TCIRG1: variants seen among roughly 807,000 people sequenced by gnomAD.
TCIRG1 encodes V-type proton ATPase 116 kDa subunit a 3.
TCIRG1 carries 86 observed loss-of-function variants against 95.5 expected under a neutral mutation model. That is an observed-to-expected ratio of 0.90 (90% CI 0.76 to 1.08). The LOEUF (loss-of-function observed/expected upper bound fraction) is 1.08. Among genes scored for constraint, TCIRG1 ranks in the 50% least tolerant of loss-of-function variants. The pLI is 0.00. For missense variants in TCIRG1, 1,069 were observed against 1,140.2 expected (o/e 0.94, Z 0.90); for synonymous variants, 499 against 501.3 (o/e 1.00, Z 0.06).
At position 68,050,256 on chromosome 11, in the gene TCIRG1, T is replaced by A. The variant is rs1395195941; in HGVS notation, c.2236+2T>A. 6.2e-7 allele frequency: 1 copy of A among 1,612,208 alleles called. No homozygotes were observed. The highest frequency in any genetic ancestry group is 1.7e-5 in the Admixed American group (1 of 60,014). Reference sequence around the variant, plus strand: ...GGGCCCTGAGCCTGGCCCACGCCCGTGAGTGACCTGGCCACCGACGGCTGG... The same window carrying A: ...GGGCCCTGAGCCTGGCCCACGCCCGAGAGTGACCTGGCCACCGACGGCTGG... On this transcript the variant is annotated splice_donor_variant, in intron 18 of 19. Coordinates refer to ENST00000265686, the MANE Select transcript of TCIRG1 (RefSeq NM_006019.4). LOFTEE classifies it high-confidence loss of function.
At chr11:68,050,310 T>G in intron 18 of TCIRG1, 56 bp downstream of exon 18, 1 of 1,599,676 alleles carries the variant, frequency 6.3e-7, no homozygotes. Flanking sequence ...CACATACCGC[T>G]GCTGGCTGGG....
intron 9 of TCIRG1, chr11:68,044,744 T>A: frequency 1.6e-6 from 1 of 643,398 alleles, no homozygotes; most frequent in Non-Finnish European, 2.7e-6. Flanking sequence ...GGAGGCAGCA[T>A]GCTTGCCTTT....
chr11:68,047,251 TGCCCCCCCCC>T (rs1855537710), intron 10 of TCIRG1, among the ~76,000 whole-genome samples, 172 bp from the exon 11 acceptor site: 2 of 45,408 alleles, frequency 4.4e-5, no homozygotes, highest in Non-Finnish European at 7.7e-5. Flanking sequence ...CCTCGGGTGA[TGCCCCCCCCC>T]CCCCCCGTCT....
chr11:68,048,736 G>T, intron 13 of TCIRG1, 143 bp from the exon 14 acceptor site: 1 of 766,616 alleles, frequency 1.3e-6, no homozygotes, highest in Non-Finnish European at 2.3e-6. Context: ...GCGCTCTGTT[G>T]CCCCTCGGTG....
chr11:68,044,869 T>C, intron 9 of TCIRG1, 89 bp from the exon 10 acceptor site: 4 of 1,556,994 alleles, frequency 2.6e-6, no homozygotes, highest in African/African-American at 1.3e-5. Flanking sequence ...CCCACAGGGC[T>C]CTACATCTCC....
In TCIRG1 at chr11:68,049,016, C is replaced by CG. The variant is rs534065091; in HGVS notation, c.1673+24dup. 5.8e-5 allele frequency: 94 copies of CG among 1,612,886 alleles called. No homozygotes were observed. The highest frequency in any genetic ancestry group is 3.0e-4 in the Admixed American group (18 of 60,016). The stretch of plus-strand genomic sequence containing the variant: ...ACCACGTGTGAGGGCCAAGGCTGCC[C>CG]GGGGGACGGGAGGCTGGCAGGCCAG... On this transcript the variant is annotated intron_variant, in intron 14 of 19. Coordinates refer to ENST00000265686, the MANE Select transcript of TCIRG1 (RefSeq NM_006019.4).
chr11:68,039,057 C>T lies in TCIRG1; in HGVS notation c.-67C>T, dbSNP rs1017355545. On this transcript the variant is annotated 5_prime_UTR_variant, in exon 1 of 20. Coordinates refer to ENST00000265686, the MANE Select transcript of TCIRG1 (RefSeq NM_006019.4). ...GGCTGGCGGGAGTGCAGTTCTGAGTCCCGCCCGGCGTGCGCGGAGCGGGGC... is the reference window on the plus strand; with the variant it reads ...GGCTGGCGGGAGTGCAGTTCTGAGTTCCGCCCGGCGTGCGCGGAGCGGGGC... 2.0e-5 allele frequency: 3 copies of T among 152,308 alleles called. No homozygotes were observed. The highest frequency in any genetic ancestry group is 4.8e-5 in the African/African-American group (2 of 41,456). The allele number at this position is 152,308 out of a possible 1,614,324, so 9.4% of individuals were successfully genotyped here.
At chr11:68,048,019 G>A (rs1231889732) in intron 13 of TCIRG1, 47 bp downstream of exon 13, 1 of 1,547,808 alleles carries the variant, frequency 6.5e-7, no homozygotes, top group Admixed American at 1.7e-5. Flanking sequence ...GCAGCTGGGA[G>A]TGGGGGCTGG....
chr11:68,049,417 A>T (rs1855678196), intron 15 of TCIRG1, 123 bp downstream of exon 15: 2 of 1,130,218 alleles, frequency 1.8e-6, no homozygotes, highest in African/African-American at 3.1e-5. Context: ...GGCCGTGCAG[A>T]CAGGGCCGTC....
At position 68,043,342 on chromosome 11, in the gene TCIRG1, GCAGCCCTGCC is replaced by G. The variant is rs1332662360; in HGVS notation, c.504-22_504-13del. 1 of 1,536,718 alleles carries G rather than the reference GCAGCCCTGCC, an allele frequency of 6.5e-7. No individual in the cohort carries two copies. The highest frequency in any genetic ancestry group is 2.0e-5 in the Admixed American group (1 of 50,906). ...GGGGGAGGCAGGGCAGGAGGTTGGAGCAGCCCTGCCCAGCCCCGTGGCCGCCAGCTTTGTG... is the reference window on the plus strand; with the variant it reads ...GGGGGAGGCAGGGCAGGAGGTTGGAGCAGCCCCGTGGCCGCCAGCTTTGTG... On this transcript the variant is annotated intron_variant, in intron 5 of 19. Transcript: ENST00000265686.
chr11:68,039,733 T>A (rs1010713905), intron 1 of TCIRG1: 10 of 152,382 alleles, frequency 6.6e-5, no homozygotes, highest in East Asian at 1.9e-4. Flanking sequence ...CAGTGGAGCC[T>A]CACATGCCAG....
chr11:68,043,810 C>A lies in TCIRG1; in HGVS notation c.714-4C>A. 6.4e-7 allele frequency: 1 copy of A among 1,560,362 alleles called. No homozygotes were observed. Among genetic ancestry groups the A allele is most frequent in the East Asian group, 2.4e-5 (1 of 41,882 alleles). ...GCCCCTCACGCAGCGCATCCTCCCT[C>A]CAGCTTCCACTGCCACGTCTTCCCG... is the stretch of plus-strand genomic sequence containing the variant. On this transcript the variant is annotated splice_region_variant and splice_polypyrimidine_tract_variant and intron_variant, in intron 7 of 19. Coordinates refer to ENST00000265686, the MANE Select transcript of TCIRG1 (RefSeq NM_006019.4).
At position 68,050,123 on chromosome 11, in the gene TCIRG1, C is replaced by T. The variant is rs763600699; in HGVS notation, c.2119-14C>T. 3.1e-6 allele frequency: 5 copies of T among 1,612,420 alleles called. No homozygotes were observed. In the East Asian group the frequency reaches 8.9e-5, roughly 29 times the overall value. On this transcript the variant is annotated splice_polypyrimidine_tract_variant and intron_variant, in intron 17 of 19. Transcript: ENST00000265686. ...GCTGAGGCCCTGCCGGCCCTCACTGCACCCGCCCCGCAGCTCGTCCCCTCC... is the reference window on the plus strand; with the variant it reads ...GCTGAGGCCCTGCCGGCCCTCACTGTACCCGCCCCGCAGCTCGTCCCCTCC...
rs776474191 is a variant in TCIRG1 at position 68,043,524 on chromosome 11, G to T, written c.630+27G>T. ...TGAGCAGCTGGCGCTGGGCTGGGGGGTCCTGGGCAGAGCGGGACCCCAGAG... is the reference window on the plus strand; with the variant it reads ...TGAGCAGCTGGCGCTGGGCTGGGGGTTCCTGGGCAGAGCGGGACCCCAGAG... On this transcript the variant is annotated intron_variant, in intron 6 of 19. Coordinates refer to ENST00000265686, the MANE Select transcript of TCIRG1 (RefSeq NM_006019.4). The T allele has an allele frequency of 1.5e-5, 23 of 1,584,872 alleles. No homozygotes were observed. In the East Asian group the frequency reaches 4.4e-4, roughly 30 times the overall value.
intron 9 of TCIRG1, 72 bp from the exon 10 acceptor site, chr11:68,044,886 G>A (rs1855395241): frequency 6.3e-7 from 1 of 1,590,238 alleles, no homozygotes; most frequent in Admixed American, 1.7e-5. Flanking sequence ...CTCCAGCTGG[G>A]CCTGGCTGGA....
chr11:68,040,502 G>T (rs1457588872), intron 1 of TCIRG1, among the ~76,000 whole-genome samples: 1 of 152,182 alleles, frequency 6.6e-6, no homozygotes, highest in Admixed American at 6.5e-5. Context: ...CCCTGACCAG[G>T]CCTGTCCCCT....
In TCIRG1 at chr11:68,043,382, G is replaced by C; in HGVS notation, c.515G>C (p.Gly172Ala). ...CCCGTGGCCGCCAGCTTTGTGGCAG[G>C]TGCCGTGGAGCCCCACAAGGCCCCT... ...HQDLRVNFVA[G>A]AVEPHKAPAL... The change falls in exon 6 of 20, where the codon GGT becomes GCT. Residue 172 changes from glycine to alanine, a missense_variant. Physicochemically the swap from Gly to Ala is moderately conservative, Grantham distance 60. Coordinates refer to ENST00000265686, the MANE Select transcript of TCIRG1 (RefSeq NM_006019.4). 6.5e-7 allele frequency: 1 copy of C among 1,540,010 alleles called. No homozygotes were observed. Among genetic ancestry groups the C allele is most frequent in the South Asian group, 1.2e-5 (1 of 83,890 alleles).
At position 68,043,453 on chromosome 11, in the gene TCIRG1, G is replaced by A. The variant is rs1189952990; in HGVS notation, c.586G>A (p.Ala196Thr). ...GAGGGCCTGCCGCGGCTTCCTCATT[G>A]CCAGCTTCAGGGAGCTGGAGCAGCC... ...LWRACRGFLI[A>T]SFRELEQPLE... Residue 196 changes from alanine to threonine, a missense_variant, in exon 6 of 20, where the codon GCC becomes ACC. Coordinates refer to ENST00000265686, the MANE Select transcript of TCIRG1 (RefSeq NM_006019.4). 6.4e-7 allele frequency: 1 copy of A among 1,552,534 alleles called. No homozygotes were observed. The highest frequency in any genetic ancestry group is 1.4e-5 in the African/African-American group (1 of 73,390).
Position 68,049,965 on chromosome 11 carries a change from G to C in TCIRG1, c.2017G>C (p.Glu673Gln). ...ACACTGCCTGCTCATGCCCCAGGAGGAAAACAAGGCCGGGTTGCTGGACCT... is the reference window on the plus strand; with the variant it reads ...ACACTGCCTGCTCATGCCCCAGGAGCAAAACAAGGCCGGGTTGCTGGACCT... ...LRRRPADRQEENKAGLLDLPD... is the reference protein window; with the variant it reads ...LRRRPADRQEQNKAGLLDLPD... Residue 673 changes from glutamate (E) to glutamine (Q), a missense_variant, in exon 17 of 20, where the codon GAA becomes CAA. Physicochemically the swap from Glu to Gln is conservative, Grantham distance 29. Coordinates refer to ENST00000265686, the MANE Select transcript of TCIRG1 (RefSeq NM_006019.4). The C allele has an allele frequency of 6.2e-7, 1 of 1,610,494 alleles. No homozygotes were observed. Among genetic ancestry groups the C allele is most frequent in the Admixed American group, 1.7e-5 (1 of 59,784 alleles).
Sources: allele counts gnomAD v4.1 joint callset (sites outside exome capture counted in the v4.1 genomes callset), GRCh38; gene constraint gnomAD v4.1.1; transcripts MANE v1.5; gene names NCBI Gene and HGNC (gene_info 2026-07-23, HGNC 2026-07-21).